FOXP2: variants seen among roughly 807,000 people sequenced by gnomAD.
FOXP2 encodes the protein forkhead box P2.
Under a neutral mutation model 115.8 loss-of-function variants are expected in FOXP2, and 12 were observed. The ratio of observed to expected loss-of-function variants is 0.10; its 90% CI spans 0.07 to 0.17. The LOEUF is 0.17. Ranked by LOEUF, FOXP2 falls within the 10% of genes least tolerant of loss-of-function variation. The pLI, the probability that FOXP2 is intolerant of heterozygous loss-of-function variation, is 1.00. For synonymous variants in FOXP2, 328 were observed against 297.7 expected, an observed-to-expected ratio of 1.10 and a Z score of -1.05; for missense variants, 629 against 843.5, an observed-to-expected ratio of 0.75 and a Z score of 3.15.
intron 2 of FOXP2, among the ~76,000 whole-genome samples, chr7:114,386,788 C>T (rs2396729): frequency 0.96 from 146,831 of 152,308 alleles, 70,992 homozygotes; most frequent in East Asian, 1. Flanking sequence ...TAGGCATCTG[C>T]ATATCTTGCT....
intron 2 of FOXP2, among the ~76,000 whole-genome samples, chr7:114,390,788 G>T (rs975584138): frequency 6.6e-6 from 1 of 151,900 alleles, no homozygotes; most frequent in Non-Finnish European, 1.5e-5. Context: ...CAACTCCTGG[G>T]CTCAAGTGAT....
At chr7:114,455,185 T>C (rs1795256712) in intron 2 of FOXP2, among the ~76,000 whole-genome samples, 1 of 152,214 alleles carries the variant, frequency 6.6e-6, no homozygotes. Context: ...AATTTTAAGC[T>C]ATCTGAACCC....
At chr7:114,285,143 G>C (rs1461722590) in intron 1 of FOXP2, among the ~76,000 whole-genome samples, 2 of 152,032 alleles carry the variant, frequency 1.3e-5, no homozygotes, top group African/African-American at 4.8e-5. Context: ...GAAATTACCT[G>C]CACTGTACCC....
chr7:114,192,248 G>A (rs1793780997), intron 1 of FOXP2, among the ~76,000 whole-genome samples: 1 of 152,146 alleles, frequency 6.6e-6, no homozygotes, highest in Admixed American at 6.5e-5. Flanking sequence ...GCCTCCCAAA[G>A]TGCTGGGATT....
chr7:114,193,273 A>T (rs967388508), intron 1 of FOXP2, among the ~76,000 whole-genome samples: 6 of 152,038 alleles, frequency 3.9e-5, no homozygotes, highest in Non-Finnish European at 1.5e-5. Flanking sequence ...ACAAATGCAA[A>T]CTAATATTAA....
chr7:114,574,951 C>G (rs1801500512), intron 3 of FOXP2, among the ~76,000 whole-genome samples: 1 of 151,872 alleles, frequency 6.6e-6, no homozygotes, highest in African/African-American at 2.4e-5. Context: ...CCCTACAGGT[C>G]TTTACTATGT....
chr7:114,272,828 C>CT (rs1796099507), intron 1 of FOXP2, among the ~76,000 whole-genome samples: 1 of 151,762 alleles, frequency 6.6e-6, no homozygotes, highest in Admixed American at 6.6e-5. Context: ...TGTGTCCTTA[C>CT]TTTTTTCTAT....
intron 1 of FOXP2, among the ~76,000 whole-genome samples, chr7:114,135,909 C>T (rs190363564): frequency 6.6e-6 from 1 of 152,162 alleles, no homozygotes; most frequent in East Asian, 1.9e-4. Flanking sequence ...AGGTATACTA[C>T]CGTATGTATT....
intron 2 of FOXP2, among the ~76,000 whole-genome samples, chr7:114,374,936 T>A (rs1204552745): frequency 6.6e-6 from 1 of 151,996 alleles, no homozygotes. Flanking sequence ...GGAAGGAGTG[T>A]CTTCAATTGA....
At chr7:114,249,768 T>G (rs1795389356) in intron 1 of FOXP2, among the ~76,000 whole-genome samples, 1 of 152,132 alleles carries the variant, frequency 6.6e-6, no homozygotes, top group Admixed American at 6.5e-5. Context: ...TTTCTGGTTC[T>G]GGTTCTAGGT....
rs529891995 is a variant in FOXP2, at chr7:114,293,103, C to G, written c.-11+4994C>G. 6.7e-4 allele frequency among the ~76,000 whole-genome samples: 102 copies of G among 152,188 alleles called. 1 individual carries two copies. Among genetic ancestry groups the G allele is most frequent in the African/African-American group, 2.4e-3 (100 of 41,526 alleles). ...TGGTAGGCAGCCTCTAAGATGGTCCCCATTTTCTGGTTTTCACTCCATTAT... is the reference window on the plus strand; with the variant it reads ...TGGTAGGCAGCCTCTAAGATGGTCCGCATTTTCTGGTTTTCACTCCATTAT... On this transcript the variant is annotated intron_variant, in intron 2 of 17. Coordinates refer to the FOXP2 transcript ENST00000634411.
At chr7:114,611,080 A>G (rs1164383946) in intron 3 of FOXP2, among the ~76,000 whole-genome samples, 1 of 152,206 alleles carries the variant, frequency 6.6e-6, no homozygotes, top group African/African-American at 2.4e-5. Context: ...TATCTATAGT[A>G]AGTTATTCAG....
chr7:114,518,790 G>GCCA (rs1050715315), intron 2 of FOXP2, among the ~76,000 whole-genome samples: 4 of 152,156 alleles, frequency 2.6e-5, no homozygotes, highest in African/African-American at 9.6e-5. Flanking sequence ...ATGGGCATGA[G>GCCA]CCACCATGCT....
intron 2 of FOXP2, among the ~76,000 whole-genome samples, chr7:114,501,914 T>G (rs1414457432): frequency 2.0e-5 from 3 of 152,076 alleles, no homozygotes; most frequent in Non-Finnish European, 4.4e-5. Flanking sequence ...TACATGTAGA[T>G]AAATGTTTAA....
intron 2 of FOXP2, among the ~76,000 whole-genome samples, chr7:114,409,138 A>G (rs1268082441): frequency 2.0e-5 from 3 of 152,140 alleles, no homozygotes; most frequent in African/African-American, 7.2e-5. Flanking sequence ...GTTTAGATCA[A>G]CACTTTTTAG....
At chr7:114,604,852 G>C (rs1006692193) in intron 3 of FOXP2, among the ~76,000 whole-genome samples, 1 of 152,102 alleles carries the variant, frequency 6.6e-6, no homozygotes, top group Non-Finnish European at 1.5e-5. Context: ...AAATGAAACT[G>C]TAGTAAGCGT....
intron 3 of FOXP2, among the ~76,000 whole-genome samples, chr7:114,619,640 A>C (rs1804134236): frequency 6.6e-6 from 1 of 152,054 alleles, no homozygotes; most frequent in African/African-American, 2.4e-5. Context: ...CAGTAGTGGA[A>C]TTTGTATATC....
chr7:114,369,000 C>A (rs147276540), intron 2 of FOXP2, among the ~76,000 whole-genome samples: 6 of 152,104 alleles, frequency 3.9e-5, no homozygotes, highest in Non-Finnish European at 8.8e-5. Flanking sequence ...GCTGCTAGAC[C>A]GAAGTTGGAG....
At chr7:114,672,554 C>T (rs977982175) in intron 16 of FOXP2, among the ~76,000 whole-genome samples, 18 of 151,666 alleles carry the variant, frequency 1.2e-4, no homozygotes, top group Non-Finnish European at 2.4e-4. Flanking sequence ...CGCTGTGCTC[C>T]AGCCAATGTG....
Sources: gnomAD v4.1 joint callset for allele counts (sites outside exome capture counted in the v4.1 genomes callset) on GRCh38, gnomAD v4.1.1 for gene constraint, MANE v1.5 for transcripts, NCBI Gene and HGNC (gene_info 2026-07-23, HGNC 2026-07-21) for gene names.